ANK1: variants seen among roughly 807,000 people sequenced by gnomAD.
The protein encoded by ANK1 is ankyrin 1, also known as ankyrin-1.
In ANK1, 51 loss-of-function variants were observed where a neutral mutation model predicts 210.4. The ratio of observed to expected loss-of-function variants is 0.24; its 90% CI spans 0.19 to 0.31. The LOEUF is 0.31. Ranked by LOEUF, ANK1 falls within the 10% of genes least tolerant of loss-of-function variation. The pLI is 1.00. For synonymous variants in ANK1, 967 were observed against 1,025.9 expected (o/e 0.94, Z 1.10); for missense variants, 2,051 against 2,504.4 (o/e 0.82, Z 3.86).
chr8:41,703,434 A>G (rs1410218446), intron 20 of ANK1, among the ~76,000 whole-genome samples: 8 of 67,454 alleles, frequency 1.2e-4, no homozygotes, highest in Admixed American at 2.3e-4. Context: ...ATATATATAT[A>G]TATATATATA....
chr8:41,778,560 TC>T, intron 1 of ANK1, among the ~76,000 whole-genome samples: 1 of 152,206 alleles, frequency 6.6e-6, no homozygotes, highest in Non-Finnish European at 1.5e-5. Context: ...CTTCCTGACC[TC>T]CTGGAGAGAA....
At chr8:41,670,486 C>T (rs17659744) in intron 38 of ANK1, among the ~76,000 whole-genome samples, 1 of 152,094 alleles carries the variant, frequency 6.6e-6, no homozygotes, top group Non-Finnish European at 1.5e-5. Flanking sequence ...AATGGCCGTC[C>T]CAGGAAGGTG....
At chr8:41,780,727 C>CGTGCATGTGTATGCATGTGCACGAGTGT (rs1028670576) in intron 1 of ANK1, among the ~76,000 whole-genome samples, 3 of 152,140 alleles carry the variant, frequency 2.0e-5, no homozygotes, top group Admixed American at 6.5e-5. Context: ...TGTGTGCATG[C>CGTGCATGTGTATGCATGTGCACGAGTGT]GTGCATGTGT....
In ANK1 at chr8:41,717,606, C is replaced by T. The variant is rs760254160; in HGVS notation, c.1303G>A (p.Val435Met). 3.6e-5 allele frequency: 56 copies of T among 1,551,264 alleles called. No individual in the cohort carries two copies. Among genetic ancestry groups the T allele is most frequent in the Non-Finnish European group, 4.5e-5 (52 of 1,146,974 alleles). The stretch of plus-strand genomic sequence containing the variant: ...CCCCTGCCTGCCTGAGGGCTTACCA[C>T]GTTGGAGACGTTGGGCGACGCCCCC... ...QRGASPNVSN[V>M]KVETPLHMAA... Residue 435 changes from valine to methionine, a missense_variant and splice_region_variant, in exon 12 of 43, where the codon GTG becomes ATG. Physicochemically the swap from Val to Met is conservative, Grantham distance 21. This residue lies in a region of ANK1 where 1,413 missense variants were observed against 1,707.4 expected (regional missense o/e 0.83). Coordinates refer to ENST00000289734, the MANE Select transcript of ANK1 (RefSeq NM_000037.4).
chr8:41,690,056 A>G lies in ANK1; in HGVS notation c.4104+171T>C, dbSNP rs7831871. 0.17 allele frequency among the ~76,000 whole-genome samples: 26,022 copies of G among 152,220 alleles called. 4,939 individuals carry two copies. The highest frequency in any genetic ancestry group is 0.48 in the African/African-American group (19,751 of 41,482). ...AGGGCCAGGGCATGGTCTCCCCGCC[A>G]GGCCACAACATGAGCATGTGGAGGA... is the stretch of plus-strand genomic sequence containing the variant. On this transcript the variant is annotated intron_variant, in intron 33 of 42. Coordinates refer to ENST00000289734, the MANE Select transcript of ANK1 (RefSeq NM_000037.4).
intron 1 of ANK1, among the ~76,000 whole-genome samples, chr8:41,827,345 G>A (rs1293353852): frequency 1.3e-5 from 2 of 152,168 alleles, no homozygotes; most frequent in Non-Finnish European, 2.9e-5. Context: ...GTATGCCTCC[G>A]CCAGAGTAGC....
At position 41,749,295 on chromosome 8, in the gene ANK1, CTTTTTT is replaced by C. The variant is rs35569972; in HGVS notation, c.129+8735_129+8740del. Among the ~76,000 whole-genome samples, 186 of 115,422 alleles carry C rather than the reference CTTTTTT, an allele frequency of 1.6e-3. 2 individuals carry two copies. The highest frequency in any genetic ancestry group is 5.9e-3 in the African/African-American group (179 of 30,274). 75.7% of individuals were successfully genotyped at this position (115,422 alleles called of 152,430 possible). ...ATGAGCAGAGAAATTTCATCTTGGA[CTTTTTT>C]TTTTTTTTTTTTTTGAGATGGAGTC... is the stretch of plus-strand genomic sequence containing the variant. On this transcript the variant is annotated intron_variant, in intron 2 of 42. Coordinates refer to ENST00000289734, the MANE Select transcript of ANK1 (RefSeq NM_000037.4).
chr8:41,801,270 C>T (rs1051841950), upstream of ANK1, among the ~76,000 whole-genome samples: 2 of 152,224 alleles, frequency 1.3e-5, no homozygotes, highest in Non-Finnish European at 2.9e-5. Flanking sequence ...ATCCATTTTA[C>T]TGCTAATGCA....
At chr8:41,831,657 AAG>A (rs1175787724) in intron 1 of ANK1, among the ~76,000 whole-genome samples, 7,977 of 54,346 alleles carry the variant, frequency 0.15, 616 homozygotes, top group East Asian at 0.38. Context: ...AAAAAAAAAG[AAG>A]AAGAAAAAGA....
At chr8:41,690,708 A>C in intron 31 of ANK1, 109 bp from the exon 32 acceptor site, 1 of 1,503,656 alleles carries the variant, frequency 6.7e-7, no homozygotes, top group Non-Finnish European at 9.1e-7. Flanking sequence ...CCTCAGCAAG[A>C]GGCATGCGGG....
intron 1 of ANK1, among the ~76,000 whole-genome samples, chr8:41,823,960 T>C (rs1185004150): frequency 6.6e-6 from 1 of 152,056 alleles, no homozygotes; most frequent in Non-Finnish European, 1.5e-5. Context: ...ATTTTTTGTT[T>C]TGTCTTGTTT....
chr8:41,700,987 T>G (rs950935225), intron 22 of ANK1, among the ~76,000 whole-genome samples: 1 of 152,152 alleles, frequency 6.6e-6, no homozygotes, highest in African/African-American at 2.4e-5. Flanking sequence ...CAGGCTGGTC[T>G]TGAACTCCTA....
intron 1 of ANK1, among the ~76,000 whole-genome samples, chr8:41,777,001 G>GT (rs1844200970): frequency 6.6e-6 from 1 of 152,180 alleles, no homozygotes; most frequent in Non-Finnish European, 1.5e-5. Context: ...TTTTCTTTCT[G>GT]TTTAATCCTC....
intron 1 of ANK1, among the ~76,000 whole-genome samples, chr8:41,790,635 G>A (rs903214649): frequency 4.0e-5 from 6 of 151,212 alleles, no homozygotes; most frequent in Non-Finnish European, 8.8e-5. Context: ...ATCCCACTAA[G>A]AACTAGTTCC....
chr8:41,794,984 G>A (rs1032934448), intron 1 of ANK1, among the ~76,000 whole-genome samples: 6 of 152,126 alleles, frequency 3.9e-5, no homozygotes, highest in African/African-American at 7.2e-5. Context: ...GATTACCGGC[G>A]TGAGCCACCG....
At chr8:41,840,023 G>GC (rs1385552816) in intron 1 of ANK1, 1 of 148,888 alleles carries the variant, frequency 6.7e-6, no homozygotes, top group African/African-American at 2.5e-5. Context: ...ATTTAAACTT[G>GC]TTTTTTTTTT....
chr8:41,718,176 C>T lies in ANK1; in HGVS notation c.1136G>A (p.Cys379Tyr). Residue 379 changes from cysteine to tyrosine, a missense_variant, in exon 11 of 43, where the codon TGC (cysteine) becomes TAC (tyrosine). Cys to Tyr is a radical substitution (Grantham distance 194, BLOSUM62 -2). Around this residue, in one of 6 missense-constraint regions of ANK1, gnomAD observed 1,413 missense variants for 1,707.4 expected, o/e 0.83. Transcript: ENST00000289734. Reference protein sequence around the residue: ...LNGFTPLHIACKKNHVRVMEL... With the variant: ...LNGFTPLHIAYKKNHVRVMEL... ...CATGACACGGACGTGGTTCTTTTTG[C>T]AGGCGATGTGTAAGGGGGTAAAGCC... is the stretch of plus-strand genomic sequence containing the variant. 6.2e-7 allele frequency: 1 copy of T among 1,613,942 alleles called. No homozygotes were observed. The highest frequency in any genetic ancestry group is 8.5e-7 in the Non-Finnish European group (1 of 1,179,956).
intron 16 of ANK1, among the ~76,000 whole-genome samples, chr8:41,709,699 C>T (rs774509575): frequency 8.5e-5 from 13 of 152,172 alleles, no homozygotes; most frequent in Non-Finnish European, 1.8e-4. Flanking sequence ...CTTTGGGAGG[C>T]TGAGGTGTGA....
At chr8:41,710,184 G>C (rs1420698592) in intron 16 of ANK1, among the ~76,000 whole-genome samples, 1 of 152,208 alleles carries the variant, frequency 6.6e-6, no homozygotes, top group East Asian at 1.9e-4. Flanking sequence ...GCAAGAGACA[G>C]TTCCCAGGTG....
Sources: gnomAD v4.1 joint callset for allele counts (sites outside exome capture counted in the v4.1 genomes callset) on GRCh38, gnomAD v4.1.1 for gene constraint, gnomAD v4.1.1 regional missense constraint, MANE v1.5 for transcripts, NCBI Gene and HGNC (gene_info 2026-07-23, HGNC 2026-07-21) for gene names.